IRS2: variants seen among roughly 807,000 people sequenced by gnomAD.
IRS2 encodes insulin receptor substrate 2.
Under a neutral mutation model 70.9 loss-of-function variants are expected in IRS2, and 28 were observed. That is an observed-to-expected ratio of 0.39 (90% confidence interval 0.29 to 0.54). IRS2 has a LOEUF of 0.54. IRS2 is among the 20% of genes least tolerant of loss of function. The probability of loss-of-function intolerance (pLI) is 0.59; values close to 1 mark genes in which losing one functional copy is unlikely to be tolerated. For synonymous variants in IRS2, 1,217 were observed against 981.9 expected (o/e 1.24, Z -4.48); for missense variants, 2,081 against 2,024.1 (o/e 1.03, Z -0.54).
At chr13:109,774,453 T>C (rs1283233360) in intron 1 of IRS2, among the ~76,000 whole-genome samples, 1 of 152,170 alleles carries the variant, frequency 6.6e-6, no homozygotes, top group Non-Finnish European at 1.5e-5. Flanking sequence ...CCATTTTCCT[T>C]TGAATTGATA....
Position 109,784,134 on chromosome 13 carries a change from G to A in IRS2, c.1920C>T (p.His640=), listed in dbSNP as rs995436481. ...EDYGDIEIGS[H]RSSSSNLGAD... Reference sequence around the variant, plus strand: ...CCCCCAGGTTGCTGCTGGAGCTCCTGTGGGAGCCGATCTCGATGTCTCCGT... The same window carrying A: ...CCCCCAGGTTGCTGCTGGAGCTCCTATGGGAGCCGATCTCGATGTCTCCGT... Residue 640 remains histidine, a synonymous_variant, in exon 1 of 2, where the codon CAC becomes CAT. Transcript: ENST00000375856. The surrounding 1 kb of genome is among the most constrained non-coding windows in gnomAD (Gnocchi z 5.2). 6.3e-6 allele frequency: 10 copies of A among 1,593,896 alleles called. No individual in the cohort carries two copies. In the African/African-American group the frequency reaches 1.2e-4, roughly 19 times the overall value.
At chr13:109,775,594 A>T (rs1309569966) in intron 1 of IRS2, among the ~76,000 whole-genome samples, 1 of 152,186 alleles carries the variant, frequency 6.6e-6, no homozygotes, top group Non-Finnish European at 1.5e-5. Flanking sequence ...TGACTCAAGT[A>T]TTTGTACTAA....
At chr13:109,764,155 A>G (rs1475620187) in intron 1 of IRS2, among the ~76,000 whole-genome samples, 1 of 152,214 alleles carries the variant, frequency 6.6e-6, no homozygotes, top group African/African-American at 2.4e-5. Context: ...ATTCTTCCTA[A>G]TCGGCCATAT....
chr13:109,774,122 G>C (rs1055604878), intron 1 of IRS2, among the ~76,000 whole-genome samples: 1 of 152,154 alleles, frequency 6.6e-6, no homozygotes, highest in Admixed American at 6.6e-5. Flanking sequence ...TGAGTTGCAA[G>C]AGTTTTAATG....
Position 109,770,170 on chromosome 13 carries a change from G to A in IRS2, c.4012+11872C>T, listed in dbSNP as rs527924083. On this transcript the variant is annotated intron_variant, in intron 1 of 1. Coordinates refer to ENST00000375856, the MANE Select transcript of IRS2 (RefSeq NM_003749.3). Reference sequence around the variant, plus strand: ...AGAGCGGCAAGCAGCCCTTTGAGCCGGTGGGGGCTGTGGCTGGCAGGAAAG... The same window carrying A: ...AGAGCGGCAAGCAGCCCTTTGAGCCAGTGGGGGCTGTGGCTGGCAGGAAAG... 1.1e-4 allele frequency among the ~76,000 whole-genome samples: 17 copies of A among 152,326 alleles called. No homozygotes were observed. In the South Asian group the frequency reaches 1.7e-3, roughly 15 times the overall value.
chr13:109,754,017 C>A lies in IRS2; in HGVS notation c.*2287G>T, dbSNP rs1877051143. ...GAAGACAGAGCAAGATAAGTTAAGT[C>A]TCTTGTCATATCACAATAGCAAGAA... On this transcript the variant is annotated 3_prime_UTR_variant, in exon 2 of 2. Coordinates refer to ENST00000375856, the MANE Select transcript of IRS2 (RefSeq NM_003749.3). 4.3e-6 allele frequency: 1 copy of A among 231,524 alleles called. No homozygotes were observed. 14.3% of individuals were successfully genotyped at this position (231,524 alleles called of 1,614,324 possible). A position where few individuals can be genotyped will look rare whatever the true frequency, so the allele number is the denominator to read the frequency against.
chr13:109,782,965 T>C lies in IRS2; in HGVS notation c.3089A>G (p.Gln1030Arg), dbSNP rs1299504557. The C allele has an allele frequency of 1.1e-5, 15 of 1,423,168 alleles. No individual in the cohort carries two copies. In the African/African-American group the frequency reaches 2.0e-4, roughly 19 times the overall value. 88.2% of individuals were successfully genotyped at this position (1,423,168 alleles called of 1,614,324 possible). A position where few individuals can be genotyped will look rare whatever the true frequency, so the allele number is the denominator to read the frequency against. Reference sequence around the variant, plus strand: ...CGGGGCCGGCGGCGGTGGCGGCGGCTGCAGAGACGACGACGGGGACGCGGA... The same window carrying C: ...CGGGGCCGGCGGCGGTGGCGGCGGCCGCAGAGACGACGACGGGGACGCGGA... ...RPSASPSSSL[Q>R]PPPPPPAPGE... Residue 1030 changes from glutamine (Q) to arginine (R), a missense_variant, in exon 1 of 2, where the codon CAG becomes CGG. Around this residue, in one of 4 missense-constraint regions of IRS2, gnomAD observed 1,615 missense variants for 1,459.5 expected, o/e 1.11. Coordinates refer to ENST00000375856, the MANE Select transcript of IRS2 (RefSeq NM_003749.3).
Position 109,756,030 on chromosome 13 carries a change from A to G in IRS2, c.*274T>C. The G allele has an allele frequency of 2.1e-6, 1 of 483,538 alleles. No individual in the cohort carries two copies. 30.0% of individuals were successfully genotyped at this position (483,538 alleles called of 1,614,324 possible). The stretch of plus-strand genomic sequence containing the variant: ...CCAATGAAAACATCCAATTTTCTTG[A>G]GAATAACTTCTTCAGCTAATTTTGT... On this transcript the variant is annotated 3_prime_UTR_variant, in exon 2 of 2. Transcript: ENST00000375856.
Position 109,786,001 on chromosome 13 carries a change from G to C in IRS2, c.53C>G (p.Pro18Arg). 1 of 1,423,562 alleles carries C rather than the reference G, an allele frequency of 7.0e-7. No individual in the cohort carries two copies. The allele number at this position is 1,423,562 out of a possible 1,614,324, so 88.2% of individuals were successfully genotyped here. ...GTTGTTGTTGTTGTTGTTGAGGTTG[G>C]GGCCGTCTCCGCTCGCCGGCCCGGG... The part of the protein sequence containing the change: ...GPPGPASGDG[P>R]NLNNNNNNNN... Residue 18 changes from proline to arginine, a missense_variant, in exon 1 of 2, where the codon CCC becomes CGC. Transcript: ENST00000375856. This position sits in a 1 kb window ranked among gnomAD's most constrained non-coding sequence, Gnocchi z 4.4.
Position 109,783,420 on chromosome 13 carries a change from C to T in IRS2, c.2634G>A (p.Glu878=), listed in dbSNP as rs778386128. The T allele has an allele frequency of 1.3e-4, 187 of 1,491,398 alleles. No individual in the cohort carries two copies. Among genetic ancestry groups the T allele is most frequent in the Non-Finnish European group, 1.3e-4 (151 of 1,129,516 alleles). The allele number at this position is 1,491,398 out of a possible 1,614,324, so 92.4% of individuals were successfully genotyped here. The change falls in exon 1 of 2, where the codon GAG becomes GAA. Residue 878 remains glutamate (E), a synonymous_variant. Transcript: ENST00000375856. ...CCCGGCCGCGCTGGCCCAAGAAGCCCTCCGGGCGGCCGCCGCTAGGCCGCA... is the reference window on the plus strand; with the variant it reads ...CCCGGCCGCGCTGGCCCAAGAAGCCTTCCGGGCGGCCGCCGCTAGGCCGCA... ...SPVRPSGGRP[E]GFLGQRGRAV...
intron 1 of IRS2, among the ~76,000 whole-genome samples, chr13:109,756,695 C>T (rs957573797): frequency 6.6e-6 from 1 of 152,202 alleles, no homozygotes; most frequent in Non-Finnish European, 1.5e-5. Context: ...CTTGATGCTT[C>T]CTGTGTTGTG....
At position 109,755,005 on chromosome 13, in the gene IRS2, C is replaced by A; in HGVS notation, c.*1299G>T. 2 of 227,158 alleles carry A rather than the reference C, an allele frequency of 8.8e-6. No homozygotes were observed. The highest frequency in any genetic ancestry group is 1.8e-5 in the Non-Finnish European group (2 of 114,280). 14.1% of individuals were successfully genotyped at this position (227,158 alleles called of 1,614,324 possible). On this transcript the variant is annotated 3_prime_UTR_variant, in exon 2 of 2. Coordinates refer to ENST00000375856, the MANE Select transcript of IRS2 (RefSeq NM_003749.3). The stretch of plus-strand genomic sequence containing the variant: ...AGGGAGCAGAAAACGGCAGAACATT[C>A]TGCCGGTCAAGTTCAGCAGTTTTAG...
Position 109,783,061 on chromosome 13 carries a change from G to A in IRS2, c.2993C>T (p.Pro998Leu), listed in dbSNP as rs1284478549. 4.3e-6 allele frequency: 6 copies of A among 1,379,838 alleles called. No homozygotes were observed. The highest frequency in any genetic ancestry group is 1.5e-5 in the African/African-American group (1 of 65,678). The allele number at this position is 1,379,838 out of a possible 1,614,324, so 85.5% of individuals were successfully genotyped here. ...CAGGAGGCCGTCCAAGGAGCCCACG[G>A]GGTGGCCGCTCGGGGCGCCCGGCTT... ...SPKPGAPSGH[P>L]VGSLDGLLSP... The change falls in exon 1 of 2, where the codon CCC becomes CTC. Residue 998 changes from proline to leucine, a missense_variant. Around this residue, in one of 4 missense-constraint regions of IRS2, gnomAD observed 1,615 missense variants for 1,459.5 expected, o/e 1.11. Coordinates refer to ENST00000375856, the MANE Select transcript of IRS2 (RefSeq NM_003749.3).
In IRS2 at chr13:109,784,813, C is replaced by A. The variant is rs1020256071; in HGVS notation, c.1241G>T (p.Ser414Ile). The change falls in exon 1 of 2, where the codon AGC becomes ATC. Residue 414 changes from serine (S) to isoleucine (I), a missense_variant. By Grantham distance (142) the Ser-to-Ile change is moderately radical (BLOSUM62 -2). Transcript: ENST00000375856. This position sits in a 1 kb window ranked among gnomAD's most constrained non-coding sequence, Gnocchi z 5.2. ...CCCTGCCGGCAGCAGCGCCACCTTG[C>A]TCCCGCGGCCGCCGCAGCCGCCGCT... ...TLSGGCGGRG[S>I]KVALLPAGGA... 4.7e-6 allele frequency: 6 copies of A among 1,271,094 alleles called. No individual in the cohort carries two copies. In the African/African-American group the frequency reaches 9.4e-5, roughly 20 times the overall value. The allele number at this position is 1,271,094 out of a possible 1,614,324, so 78.7% of individuals were successfully genotyped here. A position where few individuals can be genotyped will look rare whatever the true frequency, so the allele number is the denominator to read the frequency against.
At chr13:109,765,227 T>G (rs1877309647) in intron 1 of IRS2, among the ~76,000 whole-genome samples, 1 of 152,310 alleles carries the variant, frequency 6.6e-6, no homozygotes, top group South Asian at 2.1e-4. Flanking sequence ...GATTTACATC[T>G]AACTAAAGCA....
At chr13:109,760,012 A>G (rs1457999031) in intron 1 of IRS2, among the ~76,000 whole-genome samples, 1 of 152,196 alleles carries the variant, frequency 6.6e-6, no homozygotes. Context: ...CCTGAAAATC[A>G]GCCTGGTTCA....
chr13:109,782,750 T>A lies in IRS2; in HGVS notation c.3304A>T (p.Thr1102Ser), dbSNP rs1176705850. 1 of 1,600,536 alleles carries A rather than the reference T, an allele frequency of 6.2e-7. No homozygotes were observed. Among genetic ancestry groups the A allele is most frequent in the African/African-American group, 1.3e-5 (1 of 74,708 alleles). Residue 1102 changes from threonine to serine, a missense_variant, in exon 1 of 2, where the codon ACG becomes TCG. This residue lies in a region of IRS2 where 1,615 missense variants were observed against 1,459.5 expected (regional missense o/e 1.11). Transcript: ENST00000375856. ...KPEAARVASP[T>S]SGVKRLSLME... Reference sequence around the variant, plus strand: ...AGGCTCAGCCTCTTCACGCCCGACGTCGGGCTGGCCACGCGGGCAGCTTCT... The same window carrying A: ...AGGCTCAGCCTCTTCACGCCCGACGACGGGCTGGCCACGCGGGCAGCTTCT...
In IRS2 at chr13:109,780,410, A is replaced by G. The variant is rs536662979; in HGVS notation, c.4012+1632T>C. On this transcript the variant is annotated intron_variant, in intron 1 of 1. Transcript: ENST00000375856. ...CCTTCAGCTGAGAATCACTGTTCAC[A>G]GGATACATTCTGGCGACTTCCAATG... Among the ~76,000 whole-genome samples the G allele has an allele frequency of 1.1e-4, 16 of 152,348 alleles. No homozygotes were observed. In the South Asian group the frequency reaches 2.9e-3, roughly 28 times the overall value.
At chr13:109,774,089 A>AT (rs995089436) in intron 1 of IRS2, among the ~76,000 whole-genome samples, 5 of 152,042 alleles carry the variant, frequency 3.3e-5, no homozygotes, top group Non-Finnish European at 7.4e-5. Context: ...ACCCTTGTAT[A>AT]TTTTTTTCGT....
Sources: gnomAD v4.1 joint callset for allele counts (sites outside exome capture counted in the v4.1 genomes callset) on GRCh38, gnomAD v4.1.1 for gene constraint, gnomAD v4.1.1 regional missense constraint, Gnocchi (gnomAD v3.1) non-coding constraint, MANE v1.5 for transcripts, NCBI Gene and HGNC (gene_info 2026-07-23, HGNC 2026-07-21) for gene names.